LCLAT1: variants seen among roughly 807,000 people sequenced by gnomAD.
LCLAT1 encodes the protein 1-AGP acyltransferase 8.
Under a neutral mutation model 30.7 loss-of-function variants are expected in LCLAT1, and 11 were observed. The observed-to-expected ratio is 0.36, with a 90% CI of 0.23 to 0.59. LCLAT1 has a LOEUF of 0.59. LCLAT1 is among the 20% of genes least tolerant of loss of function. The pLI is 0.77. For synonymous variants in LCLAT1, 155 were observed against 151.3 expected (o/e 1.02, Z -0.18); for missense variants, 402 against 458.6 (o/e 0.88, Z 1.13).
At chr2:30,589,613 G>T (rs1215271916) in intron 5 of LCLAT1, among the ~76,000 whole-genome samples, 1 of 152,172 alleles carries the variant, frequency 6.6e-6, no homozygotes, top group African/African-American at 2.4e-5. Context: ...TGTTGATGAG[G>T]TGTCTTTAAG....
intron 5 of LCLAT1, among the ~76,000 whole-genome samples, chr2:30,590,142 T>G (rs146383737): frequency 6.6e-6 from 1 of 152,294 alleles, no homozygotes; most frequent in East Asian, 1.9e-4. Flanking sequence ...GAATCTGTTA[T>G]GTCCATAAGA....
chr2:30,500,546 AC>A (rs1684325367), intron 1 of LCLAT1, among the ~76,000 whole-genome samples: 1 of 152,332 alleles, frequency 6.6e-6, no homozygotes, highest in African/African-American at 2.4e-5. Context: ...CTTTCTAGTT[AC>A]AAAGCCATCT....
intron 5 of LCLAT1, among the ~76,000 whole-genome samples, chr2:30,577,025 G>T (rs1301948416): frequency 1.3e-5 from 2 of 151,128 alleles, no homozygotes; most frequent in African/African-American, 2.4e-5. Context: ...AAAATTATTT[G>T]CATAGCTCTC....
At chr2:30,528,376 A>G (rs574888646) in intron 2 of LCLAT1, among the ~76,000 whole-genome samples, 46 of 152,332 alleles carry the variant, frequency 3.0e-4, no homozygotes, top group African/African-American at 1.1e-3. Context: ...TACATTATAC[A>G]CCTACAGTAT....
chr2:30,461,340 A>G (rs546198293), intron 1 of LCLAT1, among the ~76,000 whole-genome samples: 3 of 152,272 alleles, frequency 2.0e-5, no homozygotes, highest in Admixed American at 6.5e-5. Flanking sequence ...TGCATGCATT[A>G]TTTCATGTAA....
chr2:30,555,839 CT>C (rs67813132), intron 3 of LCLAT1, among the ~76,000 whole-genome samples: 77,448 of 126,758 alleles, frequency 0.61, 22,885 homozygotes, highest in African/African-American at 0.73. Context: ...TTTTCTTTTT[CT>C]TTTTTTTTTT....
chr2:30,490,442 C>T (rs1003797186), intron 1 of LCLAT1, among the ~76,000 whole-genome samples: 13 of 151,940 alleles, frequency 8.6e-5, no homozygotes, highest in Non-Finnish European at 1.8e-4. Flanking sequence ...CCGTCTGCCT[C>T]GGCCTCCCAA....
chr2:30,464,882 CT>C (rs1382855778), intron 1 of LCLAT1, among the ~76,000 whole-genome samples: 1 of 151,826 alleles, frequency 6.6e-6, no homozygotes, highest in Non-Finnish European at 1.5e-5. Flanking sequence ...TTTTTATTTA[CT>C]TTTTGTTTTA....
intron 1 of LCLAT1, among the ~76,000 whole-genome samples, chr2:30,516,575 C>T (rs12468971): frequency 0.13 from 19,171 of 152,106 alleles, 1,338 homozygotes; most frequent in South Asian, 0.23. Flanking sequence ...ACACTCCCCT[C>T]GTGGCCCAAG....
At chr2:30,584,378 C>A (rs527265634) in intron 5 of LCLAT1, among the ~76,000 whole-genome samples, 1 of 152,160 alleles carries the variant, frequency 6.6e-6, no homozygotes, top group African/African-American at 2.4e-5. Context: ...CTTAACTGTT[C>A]TGGCTGGCTG....
At chr2:30,572,838 CT>C (rs1162501363) in intron 5 of LCLAT1, among the ~76,000 whole-genome samples, 4 of 151,046 alleles carry the variant, frequency 2.6e-5, no homozygotes, top group African/African-American at 9.7e-5. Flanking sequence ...TGATTCCTGC[CT>C]TTACCAGTTC....
intron 1 of LCLAT1, among the ~76,000 whole-genome samples, chr2:30,458,181 GCTGCT>G (rs2148267282): frequency 6.6e-6 from 1 of 152,330 alleles, no homozygotes; most frequent in African/African-American, 2.4e-5. Context: ...CAGTGACCTT[GCTGCT>G]CTGAGAAAGG....
At position 30,461,043 on chromosome 2, in the gene LCLAT1, G is replaced by A. The variant is rs1028073120; in HGVS notation, c.-5+13660G>A. On this transcript the variant is annotated intron_variant, in intron 1 of 5. Coordinates refer to ENST00000379509, the MANE Select transcript of LCLAT1 (RefSeq NM_001002257.3). ...GAGTTGTAGCCTTTATAATGAAACT[G>A]TGATTGTATAGTGCTTTCACTGATT... 5.3e-5 allele frequency among the ~76,000 whole-genome samples: 8 copies of A among 152,180 alleles called. No homozygotes were observed. The East Asian group carries it at 1.5e-3, about 29-fold the overall frequency.
At chr2:30,481,922 AT>A (rs1261076805) in intron 1 of LCLAT1, among the ~76,000 whole-genome samples, 2 of 152,112 alleles carry the variant, frequency 1.3e-5, no homozygotes, top group African/African-American at 4.8e-5. Context: ...ACTTCCAATA[AT>A]TTTTCTTTGA....
chr2:30,468,303 C>A (rs958580123), intron 1 of LCLAT1, among the ~76,000 whole-genome samples: 4 of 152,066 alleles, frequency 2.6e-5, no homozygotes, highest in African/African-American at 7.2e-5. Flanking sequence ...CCATTGGTCT[C>A]TCTCTCTGTT....
At chr2:30,502,970 T>C (rs1684471477) in intron 1 of LCLAT1, among the ~76,000 whole-genome samples, 1 of 152,202 alleles carries the variant, frequency 6.6e-6, no homozygotes, top group Non-Finnish European at 1.5e-5. Context: ...TCACAGGCAG[T>C]GGGCCCAGAG....
At chr2:30,550,899 T>C (rs1475278097) in intron 3 of LCLAT1, among the ~76,000 whole-genome samples, 4 of 152,186 alleles carry the variant, frequency 2.6e-5, no homozygotes, top group African/African-American at 9.7e-5. Context: ...ATGGACTCAT[T>C]GATATTTATT....
At chr2:30,506,331 C>T (rs2148350671) in intron 1 of LCLAT1, among the ~76,000 whole-genome samples, 1 of 151,934 alleles carries the variant, frequency 6.6e-6, no homozygotes, top group East Asian at 1.9e-4. Flanking sequence ...ACTTTTCTGT[C>T]TTTGGAATAT....
At position 30,533,098 on chromosome 2, in the gene LCLAT1, T is replaced by G; in HGVS notation, c.166-18T>G. On this transcript the variant is annotated intron_variant, in intron 2 of 5. Transcript: ENST00000379509. ...AATCATAACTTTAATTTGCTGTATA[T>G]CTGTATTGTTTTCTTAGGCATTATT... The G allele has an allele frequency of 6.4e-7, 1 of 1,556,086 alleles. No individual in the cohort carries two copies. Among genetic ancestry groups the G allele is most frequent in the Non-Finnish European group, 8.9e-7 (1 of 1,127,078 alleles).
Sources: allele counts gnomAD v4.1 joint callset (sites outside exome capture counted in the v4.1 genomes callset), GRCh38; gene constraint gnomAD v4.1.1; transcripts MANE v1.5; gene names NCBI Gene and HGNC (gene_info 2026-07-23, HGNC 2026-07-21).